Variants in APP observed in about 807,000 individuals in gnomAD.
The protein encoded by APP is amyloid-beta precursor protein.
In APP, 31 loss-of-function variants were observed where a neutral mutation model predicts 101.4. The ratio of observed to expected loss-of-function variants is 0.31; its 90% CI spans 0.23 to 0.41. The LOEUF (loss-of-function observed/expected upper bound fraction) is 0.41, where lower values mean the gene tolerates loss of function less well. APP is among the 10% of genes least tolerant of loss of function. APP has a pLI of 1.00. For synonymous variants in APP, 366 were observed against 364.4 expected, an observed-to-expected ratio of 1.00 and a Z score of -0.05; for missense variants, 839 against 1,003.7, an observed-to-expected ratio of 0.84 and a Z score of 2.22.
At chr21:25,901,532 G>GGGAA (rs1305837425) in intron 15 of APP, among the ~76,000 whole-genome samples, 1 of 152,102 alleles carries the variant, frequency 6.6e-6, no homozygotes, top group African/African-American at 2.4e-5. Context: ...TAGTCATCTA[G>GGGAA]GGAAGACTTT....
intron 13 of APP, chr21:25,928,787 C>G (rs1383286448): frequency 7.3e-6 from 1 of 137,584 alleles, no homozygotes; most frequent in Non-Finnish European, 1.5e-5. Flanking sequence ...CAGAGTCTTG[C>G]TCTGTCACCA....
intron 8 of APP, among the ~76,000 whole-genome samples, chr21:25,990,935 C>T (rs1370920780): frequency 1.3e-5 from 2 of 152,154 alleles, no homozygotes; most frequent in Non-Finnish European, 2.9e-5. Context: ...GCCCATCAAC[C>T]AATGAGGGAT....
At position 26,150,246 on chromosome 21, in the gene APP, G is replaced by A. The variant is rs1224165867; in HGVS notation, c.57+20318C>T. ...GATTAGGGCTTCCAGGGGAAGTGTG[G>A]TAAGGTAAATATATGGGGGAAACTA... is the stretch of plus-strand genomic sequence containing the variant. On this transcript the variant is annotated intron_variant, in intron 1 of 17. Transcript: ENST00000346798. 2.6e-5 allele frequency among the ~76,000 whole-genome samples: 4 copies of A among 152,186 alleles called. No individual in the cohort carries two copies. The East Asian group carries it at 7.8e-4, about 29-fold the overall frequency.
At chr21:25,910,230 C>T (rs2039001327) in intron 14 of APP, among the ~76,000 whole-genome samples, 1 of 152,078 alleles carries the variant, frequency 6.6e-6, no homozygotes, top group South Asian at 2.1e-4. Flanking sequence ...CGGGTTCATG[C>T]CATTCTCCTG....
At chr21:25,937,240 C>A (rs138458132) in intron 13 of APP, among the ~76,000 whole-genome samples, 1 of 152,188 alleles carries the variant, frequency 6.6e-6, no homozygotes, top group African/African-American at 2.4e-5. Context: ...GACTTCCATC[C>A]CAAGTCACTA....
intron 11 of APP, among the ~76,000 whole-genome samples, chr21:25,956,759 T>C (rs923862045): frequency 6.6e-6 from 1 of 152,148 alleles, no homozygotes; most frequent in Non-Finnish European, 1.5e-5. Flanking sequence ...GCTTTTGTTG[T>C]GTTATCCATA....
intron 8 of APP, among the ~76,000 whole-genome samples, chr21:25,988,360 G>A (rs2042718497): frequency 6.6e-6 from 1 of 152,152 alleles, no homozygotes; most frequent in East Asian, 1.9e-4. Flanking sequence ...TTTTGTTGAA[G>A]GATCACTCTG....
chr21:26,147,154 T>C (rs185953779), intron 1 of APP, among the ~76,000 whole-genome samples: 1 of 152,304 alleles, frequency 6.6e-6, no homozygotes, highest in Admixed American at 6.5e-5. Context: ...CCAGATGACT[T>C]TTATAATAAT....
chr21:26,053,721 G>A (rs549336988), intron 3 of APP, among the ~76,000 whole-genome samples: 2 of 152,286 alleles, frequency 1.3e-5, no homozygotes, highest in South Asian at 4.1e-4. Flanking sequence ...CATTTGAGCA[G>A]AATCAATATA....
At chr21:26,120,478 T>C (rs890637720) in intron 1 of APP, among the ~76,000 whole-genome samples, 1 of 152,188 alleles carries the variant, frequency 6.6e-6, no homozygotes, top group Non-Finnish European at 1.5e-5. Context: ...TTTAATGTAT[T>C]ATGTAAGGTA....
intron 3 of APP, among the ~76,000 whole-genome samples, chr21:26,067,310 T>G (rs1404656350): frequency 6.6e-6 from 1 of 152,360 alleles, no homozygotes; most frequent in Admixed American, 6.5e-5. Context: ...GGGTTTTTTA[T>G]ACTCACAGCA....
intron 17 of APP, among the ~76,000 whole-genome samples, chr21:25,885,182 G>T (rs890823106): frequency 1.3e-5 from 2 of 152,208 alleles, no homozygotes; most frequent in Non-Finnish European, 2.9e-5. Context: ...TTAATCTCCA[G>T]CCCCTTGAAA....
intron 8 of APP, among the ~76,000 whole-genome samples, chr21:25,993,840 T>C (rs1274137404): frequency 2.0e-5 from 3 of 152,062 alleles, no homozygotes. Flanking sequence ...TAATGGCATT[T>C]AGTGGGTAGG....
chr21:26,068,765 T>G (rs2046559208), intron 3 of APP, among the ~76,000 whole-genome samples: 1 of 149,774 alleles, frequency 6.7e-6, no homozygotes, highest in African/African-American at 2.5e-5. Context: ...TTCATAATTC[T>G]GATTATAAAG....
chr21:25,971,937 A>G lies in APP; in HGVS notation c.1458+3133T>C, dbSNP rs181984001. 2.6e-5 allele frequency among the ~76,000 whole-genome samples: 4 copies of G among 152,336 alleles called. No individual in the cohort carries two copies. In the East Asian group the frequency reaches 7.7e-4, roughly 29 times the overall value. On this transcript the variant is annotated intron_variant, in intron 11 of 17. Coordinates refer to ENST00000346798, the MANE Select transcript of APP (RefSeq NM_000484.4). ...CTATGTGACAGAAAAAAGCTCAAGA[A>G]TATTACAAAAACACCTAGCATTCAA...
intron 3 of APP, among the ~76,000 whole-genome samples, chr21:26,055,979 G>A (rs1485888835): frequency 6.6e-6 from 1 of 152,156 alleles, no homozygotes; most frequent in Non-Finnish European, 1.5e-5. Context: ...ATAATGCAAA[G>A]CTAAAGTTAC....
At chr21:25,893,093 A>G (rs903546354) in intron 16 of APP, among the ~76,000 whole-genome samples, 7 of 152,190 alleles carry the variant, frequency 4.6e-5, no homozygotes, top group African/African-American at 1.2e-4. Context: ...AAAAATTATT[A>G]TATCTGTTTG....
chr21:26,117,251 G>A (rs2062455651), intron 1 of APP, among the ~76,000 whole-genome samples: 1 of 152,148 alleles, frequency 6.6e-6, no homozygotes. Flanking sequence ...CTTAACCTGG[G>A]CATAATTCAA....
At chr21:25,958,532 C>T (rs925731669) in intron 11 of APP, among the ~76,000 whole-genome samples, 1 of 144,438 alleles carries the variant, frequency 6.9e-6, no homozygotes, top group Non-Finnish European at 1.5e-5. Flanking sequence ...CCGCCTTGGC[C>T]TCCCAAAGTG....
Sources: allele counts gnomAD v4.1 joint callset (sites outside exome capture counted in the v4.1 genomes callset), GRCh38; gene constraint gnomAD v4.1.1; transcripts MANE v1.5; gene names NCBI Gene and HGNC (gene_info 2026-07-23, HGNC 2026-07-21).